FER: variants seen among roughly 807,000 people sequenced by gnomAD.
FER encodes tyrosine-protein kinase Fer.
A neutral mutation model predicts 111.0 loss-of-function variants in FER; 63 were observed. The ratio of observed to expected loss-of-function variants is 0.57; its 90% CI spans 0.46 to 0.70. FER has a LOEUF of 0.70. Among genes scored for constraint, FER ranks in the 30% least tolerant of loss-of-function variants. The probability of loss-of-function intolerance (pLI) is 0.00; values close to 1 mark genes in which losing one functional copy is unlikely to be tolerated. For missense variants in FER, 914 were observed against 954.0 expected (o/e 0.96, Z 0.55); for synonymous variants, 327 against 313.9 (o/e 1.04, Z -0.44).
chr5:109,059,795 A>G (rs1293788021), intron 16 of FER, among the ~76,000 whole-genome samples: 4 of 152,198 alleles, frequency 2.6e-5, no homozygotes, highest in Non-Finnish European at 5.9e-5. Context: ...TTAAATAAAA[A>G]TCTTTCATAT....
intron 3 of FER, among the ~76,000 whole-genome samples, chr5:108,799,796 G>A (rs545982597): frequency 1.3e-5 from 2 of 150,958 alleles, no homozygotes; most frequent in Non-Finnish European, 3.0e-5. Flanking sequence ...TGGTGTTTCT[G>A]AGTCCAAAGG....
intron 17 of FER, among the ~76,000 whole-genome samples, chr5:109,135,509 T>C (rs888508660): frequency 6.6e-6 from 1 of 152,120 alleles, no homozygotes; most frequent in African/African-American, 2.4e-5. Flanking sequence ...TACATATTGG[T>C]AATTTCAAAT....
At chr5:108,816,321 AC>A (rs955614027) in intron 3 of FER, among the ~76,000 whole-genome samples, 3 of 152,118 alleles carry the variant, frequency 2.0e-5, no homozygotes, top group African/African-American at 7.2e-5. Flanking sequence ...ACCTTCATTT[AC>A]CTTTTTGTTG....
chr5:108,994,697 G>A (rs1193509515), intron 13 of FER, among the ~76,000 whole-genome samples: 2 of 151,980 alleles, frequency 1.3e-5, no homozygotes, highest in Non-Finnish European at 2.9e-5. Flanking sequence ...AAATTGCTTT[G>A]GGCAGTATGG....
intron 13 of FER, among the ~76,000 whole-genome samples, chr5:109,005,328 T>C (rs1581612403): frequency 1.3e-5 from 2 of 151,766 alleles, no homozygotes; most frequent in African/African-American, 4.8e-5. Context: ...TAGAAGGTGT[T>C]AGAGGGTGAG....
At chr5:108,990,548 C>A (rs1422943118) in intron 13 of FER, among the ~76,000 whole-genome samples, 1 of 151,298 alleles carries the variant, frequency 6.6e-6, no homozygotes, top group African/African-American at 2.4e-5. Flanking sequence ...AAAAAAATTA[C>A]AGGTGAAGAG....
chr5:108,849,687 G>T (rs954378968), intron 5 of FER, among the ~76,000 whole-genome samples: 16 of 151,956 alleles, frequency 1.1e-4, no homozygotes, highest in Non-Finnish European at 1.9e-4. Context: ...CCTTCATTTT[G>T]GTTAGATATT....
chr5:109,004,658 T>C (rs1267182737), intron 13 of FER, among the ~76,000 whole-genome samples: 1 of 152,208 alleles, frequency 6.6e-6, no homozygotes, highest in African/African-American at 2.4e-5. Context: ...TATTTTAAAA[T>C]ATTTTAAAAT....
intron 10 of FER, among the ~76,000 whole-genome samples, chr5:108,909,864 T>C (rs1201570099): frequency 1.3e-5 from 2 of 151,284 alleles, no homozygotes; most frequent in Non-Finnish European, 3.0e-5. Context: ...TAAATATCAA[T>C]TTTGATTTTA....
intron 17 of FER, among the ~76,000 whole-genome samples, chr5:109,110,371 TAA>T (rs965346593): frequency 5.9e-5 from 9 of 152,002 alleles, no homozygotes; most frequent in African/African-American, 2.2e-4. Context: ...CCAAAGGAGA[TAA>T]AAGAGTGAGC....
intron 3 of FER, among the ~76,000 whole-genome samples, chr5:108,801,807 A>G (rs571640138): frequency 2.0e-5 from 3 of 152,268 alleles, no homozygotes; most frequent in South Asian, 2.1e-4. Context: ...TTTTTGGCAT[A>G]TCCAAATTAC....
chr5:108,891,795 C>G (rs1305511591), intron 9 of FER, among the ~76,000 whole-genome samples: 1 of 151,922 alleles, frequency 6.6e-6, no homozygotes, highest in Non-Finnish European at 1.5e-5. Context: ...AGGTATATCT[C>G]CAAATGCTAT....
rs1431407808 is a variant in FER, at chr5:108,816,958, G to A, written c.208-15812G>A. Among the ~76,000 whole-genome samples the A allele has an allele frequency of 2.6e-5, 4 of 151,734 alleles. No individual in the cohort carries two copies. The East Asian group carries it at 7.7e-4, about 29-fold the overall frequency. On this transcript the variant is annotated intron_variant, in intron 3 of 19. Transcript: ENST00000281092. The stretch of plus-strand genomic sequence containing the variant: ...CTCTACCAAAAATAAAAGAAAATTA[G>A]CTGAGCATGGTGGCCTGGTCCTGTA...
intron 13 of FER, among the ~76,000 whole-genome samples, chr5:109,035,100 C>T (rs1770188988): frequency 7.2e-6 from 1 of 138,916 alleles, no homozygotes; most frequent in African/African-American, 2.7e-5. Flanking sequence ...GTGGCGCAAT[C>T]TTGGCTCACT....
intron 9 of FER, 61 bp from the exon 10 acceptor site, chr5:108,897,598 A>G (rs1316032589): frequency 1.7e-6 from 2 of 1,205,696 alleles, no homozygotes; most frequent in African/African-American, 1.6e-5. Flanking sequence ...ATTTACATAT[A>G]TGAGGTTTCC....
chr5:109,020,895 G>T (rs975546868), intron 13 of FER, among the ~76,000 whole-genome samples: 1 of 151,944 alleles, frequency 6.6e-6, no homozygotes, highest in African/African-American at 2.4e-5. Context: ...AAATGGTCCT[G>T]TTTGATTTGG....
intron 10 of FER, among the ~76,000 whole-genome samples, chr5:108,911,221 G>C (rs1751501216): frequency 6.6e-6 from 1 of 152,104 alleles, no homozygotes; most frequent in African/African-American, 2.4e-5. Context: ...CTGATGATTA[G>C]TGATGTTGAG....
intron 2 of FER, chr5:108,785,665 G>T (rs35238524): frequency 0.057 from 19,138 of 335,758 alleles, 724 homozygotes; most frequent in Middle Eastern, 0.081. Flanking sequence ...GTTTGTTTTT[G>T]TTGAGGTTCC....
intron 17 of FER, among the ~76,000 whole-genome samples, chr5:109,155,235 A>C (rs1196021497): frequency 6.6e-6 from 1 of 151,880 alleles, no homozygotes; most frequent in Non-Finnish European, 1.5e-5. Flanking sequence ...ACTGCCTAGG[A>C]TCCTATCTGG....
Sources: gnomAD v4.1 joint callset for allele counts (sites outside exome capture counted in the v4.1 genomes callset) on GRCh38, gnomAD v4.1.1 for gene constraint, MANE v1.5 for transcripts, NCBI Gene and HGNC (gene_info 2026-07-23, HGNC 2026-07-21) for gene names.